ADARB1: variants seen among roughly 807,000 people sequenced by gnomAD.
ADARB1 encodes double-stranded RNA-specific editase 1.
Under a neutral mutation model 52.4 loss-of-function variants are expected in ADARB1, and 10 were observed. The ratio of observed to expected loss-of-function variants is 0.19; its 90% confidence interval spans 0.12 to 0.32. The LOEUF is 0.32. Among genes scored for constraint, ADARB1 ranks in the 10% least tolerant of loss-of-function variants. The pLI, the probability that ADARB1 is intolerant of heterozygous loss-of-function variation, is 1.00. For missense variants in ADARB1, 643 were observed against 922.3 expected, an observed-to-expected ratio of 0.70 and a Z score of 3.92; for synonymous variants, 349 against 371.1, an observed-to-expected ratio of 0.94 and a Z score of 0.68.
intron 1 of ADARB1, among the ~76,000 whole-genome samples, chr21:45,115,915 G>A (rs1490719154): frequency 6.6e-6 from 1 of 152,164 alleles, no homozygotes; most frequent in African/African-American, 2.4e-5. Flanking sequence ...CATCTTTTAA[G>A]GGTATTTCTT....
intron 8 of ADARB1, among the ~76,000 whole-genome samples, chr21:45,190,900 G>A (rs8134382): frequency 0.051 from 7,709 of 152,284 alleles, 295 homozygotes; most frequent in East Asian, 0.15. Context: ...CCCACTTAGG[G>A]GGCACCTTGC....
intron 1 of ADARB1, among the ~76,000 whole-genome samples, chr21:45,094,054 A>G (rs1211775044): frequency 6.6e-6 from 1 of 152,248 alleles, no homozygotes; most frequent in East Asian, 1.9e-4. Flanking sequence ...GGATTTTAAA[A>G]GATAGTTTCT....
At chr21:45,082,558 C>T (rs2086194654) in intron 1 of ADARB1, among the ~76,000 whole-genome samples, 1 of 152,200 alleles carries the variant, frequency 6.6e-6, no homozygotes, top group African/African-American at 2.4e-5. Context: ...CCTCTCATGA[C>T]ATTCTTGTAG....
At chr21:45,147,963 G>A (rs527294482) in intron 2 of ADARB1, among the ~76,000 whole-genome samples, 3 of 152,072 alleles carry the variant, frequency 2.0e-5, no homozygotes, top group African/African-American at 7.2e-5. Context: ...ACTGCCTGGT[G>A]AGGCTCCGTC....
chr21:45,096,438 GGCTGGCT>G (rs920548279), intron 1 of ADARB1, among the ~76,000 whole-genome samples: 1 of 152,244 alleles, frequency 6.6e-6, no homozygotes, highest in Non-Finnish European at 1.5e-5. Context: ...TGCAGGTCTG[GGCTGGCT>G]GCTGTGGGCC....
intron 2 of ADARB1, among the ~76,000 whole-genome samples, chr21:45,136,238 C>T (rs1009312733): frequency 5.9e-5 from 9 of 152,258 alleles, no homozygotes; most frequent in South Asian, 2.1e-4. Context: ...TGCCCTCGTG[C>T]GGGAATGAGT....
At chr21:45,129,089 G>A (rs2088773143) in intron 2 of ADARB1, among the ~76,000 whole-genome samples, 1 of 152,058 alleles carries the variant, frequency 6.6e-6, no homozygotes, top group East Asian at 1.9e-4. Context: ...AAATTAGCCA[G>A]GTGTGATGGT....
intron 5 of ADARB1, 148 bp from the exon 6 acceptor site, chr21:45,182,437 G>T: frequency 1.3e-6 from 1 of 772,040 alleles, no homozygotes; most frequent in Non-Finnish European, 2.0e-6. Flanking sequence ...AAAAATAGGT[G>T]GTAAGAATAT....
chr21:45,224,957 A>G lies in ADARB1; in HGVS notation c.*2760A>G, dbSNP rs1212186706. The G allele has an allele frequency of 1.0e-6, 1 of 985,368 alleles. No homozygotes were observed. Among genetic ancestry groups the G allele is most frequent in the Non-Finnish European group, 1.2e-6 (1 of 829,934 alleles). The allele number at this position is 985,368 out of a possible 1,614,324, so 61.0% of individuals were successfully genotyped here. A position where few individuals can be genotyped will look rare whatever the true frequency, so the allele number is the denominator to read the frequency against. On this transcript the variant is annotated 3_prime_UTR_variant, in exon 11 of 11. Coordinates refer to ENST00000348831, the MANE Select transcript of ADARB1 (RefSeq NM_001112.4). ...TGTCACTCTCCATCCAGTGTCCTTG[A>G]TGTGGCTTTTAGAGACTTAGCAGAA...
At chr21:45,129,108 G>A (rs2088775011) in intron 2 of ADARB1, among the ~76,000 whole-genome samples, 2 of 152,000 alleles carry the variant, frequency 1.3e-5, no homozygotes, top group African/African-American at 4.8e-5. Flanking sequence ...GTGCACGCTT[G>A]TAGTCCCAGC....
At chr21:45,175,697 G>A in intron 3 of ADARB1, 33 bp from the exon 4 acceptor site, 1 of 1,606,194 alleles carries the variant, frequency 6.2e-7, no homozygotes, top group Middle Eastern at 1.7e-4. Flanking sequence ...CTGCAACGAA[G>A]GCATTGTAAG....
chr21:45,096,411 G>C (rs138410550), intron 1 of ADARB1, among the ~76,000 whole-genome samples: 1 of 152,208 alleles, frequency 6.6e-6, no homozygotes, highest in Non-Finnish European at 1.5e-5. Context: ...CAGCTGTGCC[G>C]GCCCTGCCTG....
intron 8 of ADARB1, among the ~76,000 whole-genome samples, chr21:45,201,127 A>G (rs1005505955): frequency 6.6e-6 from 1 of 152,184 alleles, no homozygotes; most frequent in African/African-American, 2.4e-5. Flanking sequence ...GGCTGTGGAC[A>G]TGTAGTGGGT....
chr21:45,221,982 G>T lies in ADARB1; in HGVS notation c.1927-36G>T. On this transcript the variant is annotated intron_variant, in intron 10 of 10. Transcript: ENST00000348831. The surrounding 1 kb of genome is among the most constrained non-coding windows in gnomAD (Gnocchi z 4.9). ...AGGTGTTGTTTTCATCTGTTACAGC[G>T]TCAACAGTTGCATTTGTTTTTTTAT... The T allele has an allele frequency of 6.3e-7, 1 of 1,598,380 alleles. No homozygotes were observed. Among genetic ancestry groups the T allele is most frequent in the Non-Finnish European group, 8.6e-7 (1 of 1,167,172 alleles).
chr21:45,210,127 G>A (rs2838816), intron 9 of ADARB1, among the ~76,000 whole-genome samples: 22,787 of 152,146 alleles, frequency 0.15, 2,354 homozygotes, highest in African/African-American at 0.29. Context: ...TTTGGGGCTC[G>A]TCATCTCTGT....
Position 45,216,421 on chromosome 21 carries a change from T to A in ADARB1, c.1748-4415T>A, listed in dbSNP as rs539169677. On this transcript the variant is annotated intron_variant, in intron 9 of 10. Coordinates refer to ENST00000348831, the MANE Select transcript of ADARB1 (RefSeq NM_001112.4). ...GAGGTCATTGTTTTAAGACCCTTTTTACTGCTTTTGTAGCATTTAAAAATT... is the reference window on the plus strand; with the variant it reads ...GAGGTCATTGTTTTAAGACCCTTTTAACTGCTTTTGTAGCATTTAAAAATT... Among the ~76,000 whole-genome samples the A allele has an allele frequency of 7.9e-5, 12 of 152,302 alleles. No homozygotes were observed. The South Asian group carries it at 1.2e-3, about 16-fold the overall frequency.
intron 2 of ADARB1, among the ~76,000 whole-genome samples, chr21:45,169,038 C>A (rs2091372864): frequency 6.6e-6 from 1 of 152,224 alleles, no homozygotes. Context: ...CACTGGGGCT[C>A]CCGGATAGCT....
intron 1 of ADARB1, among the ~76,000 whole-genome samples, chr21:45,082,465 T>C (rs778289456): frequency 6.6e-6 from 1 of 152,220 alleles, no homozygotes; most frequent in Non-Finnish European, 1.5e-5. Flanking sequence ...ATGCATTGTT[T>C]GTAAAACACA....
intron 1 of ADARB1, among the ~76,000 whole-genome samples, chr21:45,087,736 G>T (rs1280012490): frequency 6.6e-6 from 1 of 152,160 alleles, no homozygotes; most frequent in Non-Finnish European, 1.5e-5. Flanking sequence ...GGATGTGGGG[G>T]ACCCAAAATG....
Sources: allele counts gnomAD v4.1 joint callset (sites outside exome capture counted in the v4.1 genomes callset), GRCh38; gene constraint gnomAD v4.1.1; non-coding constraint Gnocchi (gnomAD v3.1); transcripts MANE v1.5; gene names NCBI Gene and HGNC (gene_info 2026-07-23, HGNC 2026-07-21).